Variants in RBFOX1 observed in about 807,000 individuals in gnomAD.
RBFOX1 encodes the protein RNA binding protein fox-1 homolog 1.
A neutral mutation model predicts 57.7 loss-of-function variants in RBFOX1; 8 were observed. The observed-to-expected ratio is 0.14, with a 90% CI of 0.08 to 0.25. The LOEUF (loss-of-function observed/expected upper bound fraction) is 0.25. Ranked by LOEUF, RBFOX1 falls within the 10% of genes least tolerant of loss-of-function variation. The pLI is 1.00. For missense variants in RBFOX1, 611 were observed against 548.5 expected (o/e 1.11, Z -1.14); for synonymous variants, 326 against 222.4 (o/e 1.47, Z -4.15).
chr16:5,683,310 T>G (rs2050402843), intron 3 of RBFOX1, among the ~76,000 whole-genome samples: 1 of 152,154 alleles, frequency 6.6e-6, no homozygotes, highest in Non-Finnish European at 1.5e-5. Flanking sequence ...CCCAGAGCAT[T>G]TGTAACCTCC....
Position 6,971,207 on chromosome 16 carries a change from T to C in RBFOX1, c.-15-80850T>C, listed in dbSNP as rs189587505. 6.6e-5 allele frequency among the ~76,000 whole-genome samples: 10 copies of C among 152,202 alleles called. No individual in the cohort carries two copies. The East Asian group carries it at 1.2e-3, about 18-fold the overall frequency. The stretch of plus-strand genomic sequence containing the variant: ...TCCGCTATACAGAGATTTTAAAATA[T>C]AGAAAGAGGTGTGCTAAAAGGCAGC... On this transcript the variant is annotated intron_variant, in intron 3 of 15. Transcript: ENST00000550418.
At chr16:6,962,948 C>G (rs1212114609) in intron 3 of RBFOX1, among the ~76,000 whole-genome samples, 2 of 152,074 alleles carry the variant, frequency 1.3e-5, no homozygotes, top group Non-Finnish European at 2.9e-5. Context: ...TTGGATCTTG[C>G]TTTGATCGCT....
intron 4 of RBFOX1, among the ~76,000 whole-genome samples, chr16:7,127,622 C>T (rs985731651): frequency 6.6e-6 from 1 of 151,868 alleles, no homozygotes; most frequent in African/African-American, 2.4e-5. Flanking sequence ...GAGTGAGAGT[C>T]GGGAGTAAGG....
intron 4 of RBFOX1, among the ~76,000 whole-genome samples, chr16:7,139,777 A>T (rs1415593013): frequency 6.6e-6 from 1 of 152,050 alleles, no homozygotes; most frequent in East Asian, 1.9e-4. Context: ...TTTTAAGTTC[A>T]TCGGTGAGCT....
At chr16:7,407,464 T>C (rs912672871) in intron 4 of RBFOX1, among the ~76,000 whole-genome samples, 3 of 151,976 alleles carry the variant, frequency 2.0e-5, no homozygotes, top group Admixed American at 1.3e-4. Context: ...TACTAATTAT[T>C]CTCAGACAGG....
chr16:7,674,709 G>T (rs2072733082), intron 13 of RBFOX1, among the ~76,000 whole-genome samples: 1 of 152,198 alleles, frequency 6.6e-6, no homozygotes, highest in South Asian at 2.1e-4. Context: ...GACCACATTT[G>T]CTGTGCAGCG....
intron 2 of RBFOX1, among the ~76,000 whole-genome samples, chr16:6,637,076 AATAT>A (rs1191060771): frequency 4.3e-5 from 3 of 70,284 alleles, no homozygotes; most frequent in Non-Finnish European, 7.7e-5. Flanking sequence ...AAATATGTTT[AATAT>A]ATATAATACA....
chr16:5,772,228 G>C (rs1183753065), intron 3 of RBFOX1, among the ~76,000 whole-genome samples: 2 of 152,154 alleles, frequency 1.3e-5, no homozygotes, highest in African/African-American at 2.4e-5. Context: ...TTATGGGGCA[G>C]AGACTCACCG....
intron 1 of RBFOX1, among the ~76,000 whole-genome samples, chr16:6,298,691 A>G (rs2078431957): frequency 6.6e-6 from 1 of 152,182 alleles, no homozygotes; most frequent in Admixed American, 6.5e-5. Context: ...CTTAGTGTTA[A>G]TTTACCAAGC....
chr16:5,831,473 T>TTTTTTATTATTATTATTA (rs1555540197), intron 3 of RBFOX1, among the ~76,000 whole-genome samples: 25 of 141,504 alleles, frequency 1.8e-4, no homozygotes, highest in African/African-American at 5.5e-4. Flanking sequence ...TCTTTTCTCT[T>TTTTTTATTATTATTATTA]TTATTATTAT....
intron 3 of RBFOX1, among the ~76,000 whole-genome samples, chr16:6,803,546 T>A (rs1202475065): frequency 6.6e-6 from 1 of 152,172 alleles, no homozygotes; most frequent in Non-Finnish European, 1.5e-5. Context: ...GGAAAACAGA[T>A]AAACAAAAAT....
Position 6,891,929 on chromosome 16 carries a change from G to A in RBFOX1, c.-15-160128G>A, listed in dbSNP as rs78957728. Among the ~76,000 whole-genome samples the A allele has an allele frequency of 5.5e-3, 835 of 152,212 alleles. 17 individuals are homozygous for A. The highest frequency in any genetic ancestry group is 0.019 in the African/African-American group (799 of 41,520). ...TTCTTCCCTTTCTTTCCAGCAAGTCGGTTTTCTGAGAAGGAGCTGTGGCTG... is the reference window on the plus strand; with the variant it reads ...TTCTTCCCTTTCTTTCCAGCAAGTCAGTTTTCTGAGAAGGAGCTGTGGCTG... On this transcript the variant is annotated intron_variant, in intron 3 of 15. Transcript: ENST00000550418.
intron 3 of RBFOX1, among the ~76,000 whole-genome samples, chr16:6,682,018 C>G (rs1025376938): frequency 3.3e-5 from 5 of 152,184 alleles, no homozygotes; most frequent in Non-Finnish European, 7.3e-5. Flanking sequence ...AGGATACACC[C>G]TTACTCCTGA....
At chr16:5,528,586 C>A (rs1183477512) in intron 2 of RBFOX1, among the ~76,000 whole-genome samples, 1 of 141,582 alleles carries the variant, frequency 7.1e-6, no homozygotes, top group African/African-American at 2.7e-5. Flanking sequence ...CTTGTCCGAT[C>A]CCCAATTCAT....
chr16:6,927,514 C>G (rs1044085659), intron 3 of RBFOX1, among the ~76,000 whole-genome samples: 2 of 150,512 alleles, frequency 1.3e-5, no homozygotes, highest in Non-Finnish European at 3.0e-5. Flanking sequence ...CATGGAAGCT[C>G]CATGTGAGCA....
At chr16:6,919,605 A>G (rs1038284098) in intron 3 of RBFOX1, among the ~76,000 whole-genome samples, 2 of 152,126 alleles carry the variant, frequency 1.3e-5, no homozygotes, top group Non-Finnish European at 2.9e-5. Context: ...AAACCCTGGT[A>G]TCTTCGAACA....
intron 4 of RBFOX1, among the ~76,000 whole-genome samples, chr16:7,496,689 G>T (rs1242547305): frequency 1.7e-5 from 1 of 57,266 alleles, no homozygotes; most frequent in East Asian, 4.1e-4. Flanking sequence ...CCTTAACAAA[G>T]ACTTTTTTTT....
intron 2 of RBFOX1, among the ~76,000 whole-genome samples, chr16:6,496,878 TGAACCC>T (rs1418058440): frequency 6.6e-6 from 1 of 152,106 alleles, no homozygotes; most frequent in Non-Finnish European, 1.5e-5. Flanking sequence ...GAGAGTCGCT[TGAACCC>T]AGGAGGTGGA....
chr16:6,237,561 G>A lies in RBFOX1; in HGVS notation c.-126-79434G>A, dbSNP rs556906860. Reference sequence around the variant, plus strand: ...GTTCAAGACCAGCCTTGCCAAGATGGTGAAACCTCGTCTTTACTAAAAATA... The same window carrying A: ...GTTCAAGACCAGCCTTGCCAAGATGATGAAACCTCGTCTTTACTAAAAATA... On this transcript the variant is annotated intron_variant, in intron 1 of 15. Coordinates refer to ENST00000550418, the MANE Select transcript of RBFOX1 (RefSeq NM_018723.4). Among the ~76,000 whole-genome samples, 3 of 152,176 alleles carry A rather than the reference G, an allele frequency of 2.0e-5. No homozygotes were observed. The East Asian group carries it at 5.8e-4, about 30-fold the overall frequency.
Sources: allele counts gnomAD v4.1 joint callset (sites outside exome capture counted in the v4.1 genomes callset), GRCh38; gene constraint gnomAD v4.1.1; transcripts MANE v1.5; gene names NCBI Gene and HGNC (gene_info 2026-07-23, HGNC 2026-07-21).